Variants in FBN1 observed in about 807,000 individuals in gnomAD.
FBN1 encodes fibrillin 1.
Under a neutral mutation model 365.1 loss-of-function variants are expected in FBN1, and 29 were observed. That is an observed-to-expected ratio of 0.08 (90% CI 0.06 to 0.11). FBN1 has a LOEUF of 0.11. Among genes scored for constraint, FBN1 ranks in the 10% least tolerant of loss-of-function variants. FBN1 has a pLI of 1.00. For missense variants in FBN1, 2,476 were observed against 3,703.2 expected, an observed-to-expected ratio of 0.67 and a Z score of 8.60; for synonymous variants, 1,210 against 1,270.5, an observed-to-expected ratio of 0.95 and a Z score of 1.01.
intron 63 of FBN1, among the ~76,000 whole-genome samples, chr15:48,418,015 G>T (rs185965001): frequency 6.6e-6 from 1 of 152,298 alleles, no homozygotes; most frequent in East Asian, 1.9e-4. Context: ...TATATGAGGG[G>T]GAAGACTTGT....
At chr15:48,415,515 A>T in intron 64 of FBN1, 21 bp downstream of exon 64, 4 of 1,549,590 alleles carry the variant, frequency 2.6e-6, no homozygotes, top group Non-Finnish European at 3.6e-6. Flanking sequence ...TCCAACCATG[A>T]CCAGGAAGAG....
At chr15:48,440,909 A>AC (rs1458998913) in intron 50 of FBN1, among the ~76,000 whole-genome samples, 4 of 151,536 alleles carry the variant, frequency 2.6e-5, no homozygotes, top group Non-Finnish European at 5.9e-5. Flanking sequence ...TGAAAAAAAA[A>AC]AAAAACCCAA....
At chr15:48,570,057 C>T (rs540162311) in intron 6 of FBN1, among the ~76,000 whole-genome samples, 2 of 152,146 alleles carry the variant, frequency 1.3e-5, no homozygotes, top group East Asian at 3.9e-4. Context: ...ACTAATACAA[C>T]CTACAAGTCT....
chr15:48,597,616 C>G (rs1490587905), intron 5 of FBN1, among the ~76,000 whole-genome samples: 2 of 152,172 alleles, frequency 1.3e-5, no homozygotes, highest in East Asian at 3.8e-4. Context: ...CCAATAAATT[C>G]TCTTTTATGT....
intron 32 of FBN1, among the ~76,000 whole-genome samples, chr15:48,478,978 A>G (rs1233580731): frequency 1.3e-5 from 2 of 152,244 alleles, no homozygotes; most frequent in Admixed American, 1.3e-4. Context: ...ATAAAATAGC[A>G]TACATATTTT....
In FBN1 at chr15:48,412,438, G is replaced by C; in HGVS notation, c.8226+131C>G. 3 of 948,044 alleles carry C rather than the reference G, an allele frequency of 3.2e-6. No homozygotes were observed. The South Asian group carries it at 3.9e-5, about 12-fold the overall frequency. 58.7% of individuals were successfully genotyped at this position (948,044 alleles called of 1,614,324 possible). On this transcript the variant is annotated intron_variant, in intron 65 of 65. Transcript: ENST00000316623. ...AGCCTCTTGTAAAATACAGCCTAGA[G>C]CTCAGGGAATGTCTGGAGTTTCTCC... is the stretch of plus-strand genomic sequence containing the variant.
rs2043686570 is a variant in FBN1 at position 48,503,934 on chromosome 15, G to C, written c.1966C>G (p.His656Asp). 1 of 1,614,058 alleles carries C rather than the reference G, an allele frequency of 6.2e-7. No individual in the cohort carries two copies. Among genetic ancestry groups the C allele is most frequent in the Non-Finnish European group, 8.5e-7 (1 of 1,180,046 alleles). The stretch of plus-strand genomic sequence containing the variant: ...CCACCATAGCATGTGCTCCGCATGT[G>C]TGTGTCTAAACAGGAAGAAGCATCT... ...GLDGRVCVDT[H>D]MRSTCYGGYK... The change falls in exon 17 of 66, where the codon CAC (histidine) becomes GAC (aspartate). Residue 656 changes from histidine (H) to aspartate (D), a missense_variant. This residue lies in a region of FBN1 where 1,780 missense variants were observed against 2,840.8 expected (regional missense o/e 0.63). Coordinates refer to ENST00000316623, the MANE Select transcript of FBN1 (RefSeq NM_000138.5).
intron 6 of FBN1, among the ~76,000 whole-genome samples, chr15:48,541,058 G>T (rs960694872): frequency 1.3e-5 from 2 of 151,742 alleles, no homozygotes; most frequent in Admixed American, 6.6e-5. Context: ...AGTTCTGTCT[G>T]CCACTGATTC....
At chr15:48,539,659 G>A (rs1245356982) in intron 6 of FBN1, among the ~76,000 whole-genome samples, 1 of 152,084 alleles carries the variant, frequency 6.6e-6, no homozygotes, top group Non-Finnish European at 1.5e-5. Flanking sequence ...AAAATTGTGT[G>A]AGTGATATCT....
chr15:48,578,346 A>AT (rs1051433071), intron 6 of FBN1, among the ~76,000 whole-genome samples: 8 of 152,098 alleles, frequency 5.3e-5, no homozygotes, highest in Admixed American at 3.9e-4. Context: ...TACTAATGTT[A>AT]TTTTTTCAGG....
At position 48,446,695 on chromosome 15, in the gene FBN1, TG is replaced by T. The variant is rs761983874; in HGVS notation, c.5788+10del. 3 of 1,540,782 alleles carry T rather than the reference TG, an allele frequency of 1.9e-6. No individual in the cohort carries two copies. The highest frequency in any genetic ancestry group is 2.7e-6 in the Non-Finnish European group (3 of 1,113,088). ...GACTTCCTTTGCTGATGCACAATTT[TG>T]CACACGCACCTATACAGTCATTGTT... On this transcript the variant is annotated intron_variant, in intron 47 of 65. Coordinates refer to ENST00000316623, the MANE Select transcript of FBN1 (RefSeq NM_000138.5).
At position 48,513,568 on chromosome 15, in the gene FBN1, G is replaced by C. The variant is rs1317673276; in HGVS notation, c.1569C>G (p.Leu523=). The C allele has an allele frequency of 6.2e-7, 1 of 1,614,012 alleles. No homozygotes were observed. Among genetic ancestry groups the C allele is most frequent in the South Asian group, 1.1e-5 (1 of 91,086 alleles). ...CCATACCTCGGCATTCTGTCCGCGT[G>C]AGTGTGCTCTGATATCCAGCTCGGC... ...CQCRAGYQST[L]TRTECRDIDE... Residue 523 remains leucine, a synonymous_variant, in exon 13 of 66, where the codon CTC becomes CTG. Coordinates refer to ENST00000316623, the MANE Select transcript of FBN1 (RefSeq NM_000138.5).
intron 5 of FBN1, among the ~76,000 whole-genome samples, chr15:48,599,214 T>C (rs917772096): frequency 3.3e-5 from 5 of 152,162 alleles, no homozygotes; most frequent in South Asian, 2.1e-4. Context: ...CTAATAAATA[T>C]ATACACAAAA....
chr15:48,420,831 G>A (rs1300674566), intron 62 of FBN1, 25 bp from the exon 63 acceptor site: 2 of 1,612,468 alleles, frequency 1.2e-6, no homozygotes, highest in Admixed American at 3.3e-5. Flanking sequence ...GAGCCACCAT[G>A]ATGCCAACTC....
chr15:48,466,435 TC>T (rs1247164848), intron 38 of FBN1, among the ~76,000 whole-genome samples: 2 of 152,218 alleles, frequency 1.3e-5, no homozygotes, highest in Non-Finnish European at 2.9e-5. Flanking sequence ...TCCTTGGGTT[TC>T]CCCCATTAAT....
intron 5 of FBN1, among the ~76,000 whole-genome samples, chr15:48,598,386 C>T (rs1319105600): frequency 1.3e-5 from 2 of 152,170 alleles, no homozygotes; most frequent in Admixed American, 6.5e-5. Flanking sequence ...CACAGAGTAA[C>T]TGAAAAGATG....
intron 6 of FBN1, among the ~76,000 whole-genome samples, chr15:48,574,734 A>C (rs2044332646): frequency 6.6e-6 from 1 of 152,230 alleles, no homozygotes; most frequent in Admixed American, 6.5e-5. Context: ...AGAAACATAG[A>C]AAAGATCAAG....
At chr15:48,588,121 C>A (rs1202908632) in intron 6 of FBN1, among the ~76,000 whole-genome samples, 1 of 151,996 alleles carries the variant, frequency 6.6e-6, no homozygotes, top group Non-Finnish European at 1.5e-5. Flanking sequence ...AAGATGATAG[C>A]CACATGTGGA....
intron 19 of FBN1, 62 bp downstream of exon 19, chr15:48,497,204 A>G (rs1302656936): frequency 1.3e-5 from 21 of 1,608,624 alleles, no homozygotes; most frequent in Non-Finnish European, 1.8e-5. Context: ...GTTTTCTCCC[A>G]GCAATGAAAG....
Sources: allele counts gnomAD v4.1 joint callset (sites outside exome capture counted in the v4.1 genomes callset), GRCh38; gene constraint gnomAD v4.1.1; regional missense constraint gnomAD v4.1.1; transcripts MANE v1.5; gene names NCBI Gene and HGNC (gene_info 2026-07-23, HGNC 2026-07-21).